IRAK1BP1: variants seen among roughly 807,000 people sequenced by gnomAD.
IRAK1BP1 encodes the protein interleukin 1 receptor associated kinase 1 binding protein 1.
In IRAK1BP1, 24 loss-of-function variants were observed where a neutral mutation model predicts 28.0. That is an observed-to-expected ratio of 0.86 (90% CI 0.62 to 1.20). The LOEUF (loss-of-function observed/expected upper bound fraction) is 1.20. IRAK1BP1 is among the 50% of genes most tolerant of loss of function. The pLI, the probability that IRAK1BP1 is intolerant of heterozygous loss-of-function variation, is 0.00. For missense variants in IRAK1BP1, 336 were observed against 316.7 expected (o/e 1.06, Z -0.46); for synonymous variants, 131 against 116.3 (o/e 1.13, Z -0.81).
At position 78,902,844 on chromosome 6, in the gene IRAK1BP1, A is replaced by G. The variant is rs1469809264; in HGVS notation, c.*4510A>G. 1 of 590,306 alleles carries G rather than the reference A, an allele frequency of 1.7e-6. No homozygotes were observed. The highest frequency in any genetic ancestry group is 1.9e-5 in the African/African-American group (1 of 53,722). The allele number at this position is 590,306 out of a possible 1,614,324, so 36.6% of individuals were successfully genotyped here. Reference sequence around the variant, plus strand: ...CATAAAATGCCCAGTATCTTACAAGACTGTAGTTCACAGTGGGTAATTCAA... The same window carrying G: ...CATAAAATGCCCAGTATCTTACAAGGCTGTAGTTCACAGTGGGTAATTCAA... On this transcript the variant is annotated 3_prime_UTR_variant, in exon 4 of 4. Transcript: ENST00000369940.
chr6:78,914,122 T>G (rs1177370599), intron 4 of IRAK1BP1, among the ~76,000 whole-genome samples: 6 of 152,182 alleles, frequency 3.9e-5, no homozygotes. Flanking sequence ...AATTGATGAT[T>G]AGCACATTAA....
intron 4 of IRAK1BP1, among the ~76,000 whole-genome samples, chr6:78,918,239 G>A (rs753682326): frequency 6.6e-6 from 1 of 152,124 alleles, no homozygotes; most frequent in African/African-American, 2.4e-5. Flanking sequence ...TGAGGCTGCA[G>A]TGAGCCATGA....
chr6:78,946,432 G>T, exon 5 of IRAK1BP1: 1 of 1,403,614 alleles, frequency 7.1e-7, no homozygotes, highest in Admixed American at 3.1e-5. Context: ...TTTAGTGAAG[G>T]ATCGCTGTAA....
At chr6:78,903,775 G>T (rs533575720), downstream of IRAK1BP1, among the ~76,000 whole-genome samples, 1 of 152,026 alleles carries the variant, frequency 6.6e-6, no homozygotes, top group South Asian at 2.1e-4. Context: ...CACTTTTTCA[G>T]TGTCTTTCAA....
the IRAK1BP1 span, among the ~76,000 whole-genome samples, chr6:78,964,788 C>A: frequency 6.6e-6 from 1 of 151,980 alleles, no homozygotes; most frequent in Non-Finnish European, 1.5e-5. Context: ...ACCACTCCTG[C>A]CCTGTAATAT....
Position 78,867,845 on chromosome 6 carries a change from G to A in IRAK1BP1, c.269G>A (p.Arg90His). Residue 90 changes from arginine (R) to histidine (H), a missense_variant, in exon 1 of 4, where the codon CGC becomes CAC. Transcript: ENST00000369940. ...AAAEAKKSVC[R>H]RLDYITQSLQ... ...GCCGAGGCCAAAAAGAGCGTTTGTC[G>A]CCGTCTAGATTACATCACGCAGAGC... is the stretch of plus-strand genomic sequence containing the variant. The A allele has an allele frequency of 6.2e-7, 1 of 1,609,868 alleles. No homozygotes were observed. The highest frequency in any genetic ancestry group is 8.5e-7 in the Non-Finnish European group (1 of 1,178,038).
rs1410915713 is a variant in IRAK1BP1, at chr6:78,900,574, TGGA to T, written c.*2242_*2244del. 6.6e-6 allele frequency: 1 copy of T among 152,192 alleles called. No homozygotes were observed. The highest frequency in any genetic ancestry group is 1.5e-5 in the Non-Finnish European group (1 of 68,036). 9.4% of individuals were successfully genotyped at this position (152,192 alleles called of 1,614,324 possible). ...TACTGGAATGTAAGCTCCTTGAAAG[TGGA>T]GATCTTGTCTGTCTTGTTCACAGTT... On this transcript the variant is annotated 3_prime_UTR_variant, in exon 4 of 4. Coordinates refer to ENST00000369940, the MANE Select transcript of IRAK1BP1 (RefSeq NM_001010844.4).
intron 4 of IRAK1BP1, among the ~76,000 whole-genome samples, chr6:78,934,718 C>T (rs1263167191): frequency 6.6e-6 from 1 of 152,138 alleles, no homozygotes; most frequent in African/African-American, 2.4e-5. Context: ...AATTAGACCT[C>T]ACAGATAATT....
intron 1 of IRAK1BP1, among the ~76,000 whole-genome samples, chr6:78,872,820 C>A (rs750856462): frequency 2.0e-4 from 31 of 152,116 alleles, no homozygotes; most frequent in Admixed American, 3.3e-4. Context: ...GCCAACTTAG[C>A]AGTCCAAGAA....
At chr6:78,886,497 A>G (rs1771437686) in intron 2 of IRAK1BP1, among the ~76,000 whole-genome samples, 1 of 152,196 alleles carries the variant, frequency 6.6e-6, no homozygotes. Context: ...CTTTCAAAAC[A>G]GTATGAAGAG....
chr6:78,955,524 T>A, the IRAK1BP1 span: 1 of 581,312 alleles, frequency 1.7e-6, no homozygotes, highest in Non-Finnish European at 3.1e-6. Context: ...AAAATAATGT[T>A]CACAACAGCT....
chr6:78,920,988 C>T (rs1040219600), intron 4 of IRAK1BP1, among the ~76,000 whole-genome samples: 1 of 152,144 alleles, frequency 6.6e-6, no homozygotes, highest in Non-Finnish European at 1.5e-5. Context: ...GTCTACAGCT[C>T]CTAGTGTGAG....
At chr6:78,978,551 C>G in the IRAK1BP1 span, 3 of 1,516,584 alleles carry the variant, frequency 2.0e-6, no homozygotes, top group Non-Finnish European at 2.7e-6. Flanking sequence ...ATGTTTAAAA[C>G]TATGTGAGGA....
chr6:78,946,620 G>A, downstream of IRAK1BP1: 2 of 1,455,518 alleles, frequency 1.4e-6, no homozygotes, highest in East Asian at 2.5e-5. Context: ...GCAATATAGG[G>A]AATAGTAAAG....
intron 4 of IRAK1BP1, chr6:78,936,449 AACAC>A (rs967915727): frequency 4.6e-5 from 7 of 151,992 alleles, no homozygotes; most frequent in South Asian, 2.1e-4. Flanking sequence ...GTGACTAATC[AACAC>A]ACACAATCTT....
chr6:78,949,685 A>C (rs1277774498), downstream of IRAK1BP1, among the ~76,000 whole-genome samples: 6 of 147,608 alleles, frequency 4.1e-5, no homozygotes, highest in Non-Finnish European at 6.0e-5. Context: ...ACTCTTTTTT[A>C]CTTTTTTTTT....
At chr6:78,955,290 G>C in the IRAK1BP1 span, 2 of 1,597,800 alleles carry the variant, frequency 1.3e-6, no homozygotes, top group Non-Finnish European at 1.7e-6. Context: ...ATCCTTTGAG[G>C]CAAGAATTTA....
At chr6:78,890,837 G>A (rs1387549570) in intron 2 of IRAK1BP1, among the ~76,000 whole-genome samples, 1 of 152,200 alleles carries the variant, frequency 6.6e-6, no homozygotes, top group East Asian at 1.9e-4. Flanking sequence ...GGGCTGACCA[G>A]AAGTGTCACA....
Position 78,917,723 on chromosome 6 carries a change from C to A in IRAK1BP1, c.*67+14613C>A, listed in dbSNP as rs929562510. Among the ~76,000 whole-genome samples, 5 of 150,464 alleles carry A rather than the reference C, an allele frequency of 3.3e-5. No homozygotes were observed. In the East Asian group the frequency reaches 9.9e-4, roughly 30 times the overall value. On this transcript the variant is annotated intron_variant and NMD_transcript_variant, in intron 4 of 4. Coordinates refer to the IRAK1BP1 transcript ENST00000606868. ...AGAATTCCATCAGACTAACAGTAGACTTCTCAGCAGAAAGCTAACAGCAGG... is the reference window on the plus strand; with the variant it reads ...AGAATTCCATCAGACTAACAGTAGAATTCTCAGCAGAAAGCTAACAGCAGG...
Sources: gnomAD v4.1 joint callset for allele counts (sites outside exome capture counted in the v4.1 genomes callset) on GRCh38, gnomAD v4.1.1 for gene constraint, MANE v1.5 for transcripts, NCBI Gene and HGNC (gene_info 2026-07-23, HGNC 2026-07-21) for gene names.